SLCO3A1: variants seen among roughly 807,000 people sequenced by gnomAD.
SLCO3A1 encodes PGE1 transporter.
Under a neutral mutation model 63.1 loss-of-function variants are expected in SLCO3A1, and 27 were observed. The observed-to-expected ratio is 0.43, with a 90% CI of 0.32 to 0.59. SLCO3A1 has a LOEUF of 0.59. Among genes scored for constraint, SLCO3A1 ranks in the 20% least tolerant of loss-of-function variants. The probability of loss-of-function intolerance (pLI) is 0.09; values close to 1 mark genes in which losing one functional copy is unlikely to be tolerated. For synonymous variants in SLCO3A1, 473 were observed against 409.9 expected (o/e 1.15, Z -1.86); for missense variants, 773 against 945.8 (o/e 0.82, Z 2.40).
At chr15:91,943,895 T>G (rs188629059) in intron 2 of SLCO3A1, among the ~76,000 whole-genome samples, 214 of 152,248 alleles carry the variant, frequency 1.4e-3, no homozygotes, top group African/African-American at 5.0e-3. Flanking sequence ...AGGGCTACCC[T>G]CTGGTGACTG....
intron 1 of SLCO3A1, among the ~76,000 whole-genome samples, chr15:91,898,876 A>C (rs1286349172): frequency 1.3e-5 from 2 of 152,230 alleles, no homozygotes; most frequent in Non-Finnish European, 2.9e-5. Context: ...GTGATAATGA[A>C]GAGAGGTTAA....
At chr15:92,168,822 G>T (rs757121011), downstream of SLCO3A1, among the ~76,000 whole-genome samples, 1 of 152,218 alleles carries the variant, frequency 6.6e-6, no homozygotes, top group African/African-American at 2.4e-5. Flanking sequence ...TGACGTGGCG[G>T]ATTTGAACTG....
intron 2 of SLCO3A1, among the ~76,000 whole-genome samples, chr15:92,077,793 T>A (rs1304982774): frequency 6.6e-6 from 1 of 152,180 alleles, no homozygotes; most frequent in Non-Finnish European, 1.5e-5. Context: ...TCCTTTGGAA[T>A]TAATTAGATT....
chr15:92,041,587 C>T lies in SLCO3A1; in HGVS notation c.647-53294C>T, dbSNP rs2046797343. Among the ~76,000 whole-genome samples, 3 of 152,284 alleles carry T rather than the reference C, an allele frequency of 2.0e-5. No individual in the cohort carries two copies. The East Asian group carries it at 5.8e-4, about 29-fold the overall frequency. Reference sequence around the variant, plus strand: ...CTCTTCAACCCGTACATTTTAAATGCAGATGGAGATGTCAGGTTTCACTGA... The same window carrying T: ...CTCTTCAACCCGTACATTTTAAATGTAGATGGAGATGTCAGGTTTCACTGA... On this transcript the variant is annotated intron_variant, in intron 2 of 9. Coordinates refer to ENST00000318445, the MANE Select transcript of SLCO3A1 (RefSeq NM_013272.4).
rs141235372 is a variant in SLCO3A1 at position 92,022,351 on chromosome 15, C to T, written c.647-72530C>T. 2.6e-3 allele frequency among the ~76,000 whole-genome samples: 402 copies of T among 152,248 alleles called. 1 individual carries two copies. The highest frequency in any genetic ancestry group is 9.1e-3 in the African/African-American group (379 of 41,570). On this transcript the variant is annotated intron_variant, in intron 2 of 9. Transcript: ENST00000318445. ...GTGCGTGTGAACATTCTACATAGGA[C>T]CTGCTGAGTGATACCTTGTAAGGAC...
rs533910118 is a variant in SLCO3A1, at chr15:92,162,569, A to T, written c.1754-187A>T. 3.9e-4 allele frequency: 365 copies of T among 934,634 alleles called. 11 individuals are homozygous for T. In the South Asian group the frequency reaches 5.0e-3, roughly 13 times the overall value. The allele number at this position is 934,634 out of a possible 1,614,324, so 57.9% of individuals were successfully genotyped here. ...AGGAGGGCTTAAATAACTTGCTCAG[A>T]TTTGTACCATAATAAAAAGGCAGAA... On this transcript the variant is annotated intron_variant, in intron 9 of 9. Transcript: ENST00000318445.
intron 2 of SLCO3A1, among the ~76,000 whole-genome samples, chr15:92,047,013 A>G (rs1484362844): frequency 1.3e-5 from 1 of 78,228 alleles, no homozygotes; most frequent in African/African-American, 4.4e-5. Context: ...ATATAAATAT[A>G]TATATAATAT....
At chr15:91,857,345 G>T (rs969122379) in intron 1 of SLCO3A1, among the ~76,000 whole-genome samples, 2 of 152,028 alleles carry the variant, frequency 1.3e-5, no homozygotes, top group African/African-American at 2.4e-5. Context: ...AATCTATTAC[G>T]GTTACAAACA....
intron 2 of SLCO3A1, among the ~76,000 whole-genome samples, chr15:92,039,395 A>G (rs1373334988): frequency 6.6e-6 from 1 of 152,220 alleles, no homozygotes; most frequent in Admixed American, 6.5e-5. Context: ...GAACCCATCA[A>G]AAAGTGGGCA....
At chr15:92,048,678 C>T (rs2046919975) in intron 2 of SLCO3A1, among the ~76,000 whole-genome samples, 1 of 152,134 alleles carries the variant, frequency 6.6e-6, no homozygotes, top group Non-Finnish European at 1.5e-5. Context: ...GTGTGCGGAT[C>T]ACCAGAGGTC....
At chr15:91,987,329 C>A (rs2046066518) in intron 2 of SLCO3A1, among the ~76,000 whole-genome samples, 1 of 152,126 alleles carries the variant, frequency 6.6e-6, no homozygotes, top group African/African-American at 2.4e-5. Flanking sequence ...CACGTATTTA[C>A]TGAACACCTA....
rs74028803 is a variant in SLCO3A1, at chr15:92,118,456, C to T, written c.1010-2009C>T. 6.8e-3 allele frequency among the ~76,000 whole-genome samples: 1,026 copies of T among 151,636 alleles called. 13 individuals are homozygous for T. Among genetic ancestry groups the T allele is most frequent in the African/African-American group, 0.024 (986 of 41,288 alleles). On this transcript the variant is annotated intron_variant, in intron 4 of 9. Coordinates refer to ENST00000318445, the MANE Select transcript of SLCO3A1 (RefSeq NM_013272.4). Reference sequence around the variant, plus strand: ...AGATTTTCATTCTTGAAACTTGATACCATTCCTGGAAATGGTAAATTCTAA... The same window carrying T: ...AGATTTTCATTCTTGAAACTTGATATCATTCCTGGAAATGGTAAATTCTAA...
intron 2 of SLCO3A1, among the ~76,000 whole-genome samples, chr15:92,044,864 C>T (rs1300244750): frequency 6.6e-6 from 1 of 152,166 alleles, no homozygotes; most frequent in Non-Finnish European, 1.5e-5. Context: ...AGGTTGTCCC[C>T]ATCCCCTCGC....
chr15:92,070,512 G>A (rs550960268), intron 2 of SLCO3A1, among the ~76,000 whole-genome samples: 6 of 152,206 alleles, frequency 3.9e-5, no homozygotes, highest in South Asian at 4.2e-4. Flanking sequence ...GTGGGATGAC[G>A]CATGCCTGTA....
At chr15:91,895,717 C>A (rs150065608) in intron 1 of SLCO3A1, among the ~76,000 whole-genome samples, 102 of 152,312 alleles carry the variant, frequency 6.7e-4, no homozygotes, top group African/African-American at 2.4e-3. Flanking sequence ...AGCCTAAACA[C>A]TTAGGGTTAT....
At chr15:92,012,894 C>T (rs1157616852) in intron 2 of SLCO3A1, among the ~76,000 whole-genome samples, 2 of 152,182 alleles carry the variant, frequency 1.3e-5, no homozygotes, top group Admixed American at 6.5e-5. Flanking sequence ...CAGAGAAGTA[C>T]TTCATGAAAA....
intron 1 of SLCO3A1, among the ~76,000 whole-genome samples, chr15:91,873,552 A>ACACG (rs1897327004): frequency 6.6e-6 from 1 of 151,850 alleles, no homozygotes; most frequent in Non-Finnish European, 1.5e-5. Flanking sequence ...ACACACACAC[A>ACACG]CACACACACA....
chr15:91,907,461 C>T (rs1213263139), intron 1 of SLCO3A1, among the ~76,000 whole-genome samples: 2 of 151,146 alleles, frequency 1.3e-5, no homozygotes, highest in East Asian at 3.9e-4. Context: ...CCACCTTGGC[C>T]TCCCAAAGTG....
rs561960305 is a variant in SLCO3A1 at position 91,993,179 on chromosome 15, A to G, written c.646+76721A>G. On this transcript the variant is annotated intron_variant, in intron 2 of 9. Coordinates refer to ENST00000318445, the MANE Select transcript of SLCO3A1 (RefSeq NM_013272.4). ...TTGTGCAAGAAGGAGCTTGCCCACA[A>G]TTGTCTCTGGATGCATACTAGTCTT... 4.2e-4 allele frequency among the ~76,000 whole-genome samples: 64 copies of G among 152,310 alleles called. No homozygotes were observed. In the Middle Eastern group the frequency reaches 0.01, roughly 24 times the overall value.
Sources: allele counts gnomAD v4.1 joint callset (sites outside exome capture counted in the v4.1 genomes callset), GRCh38; gene constraint gnomAD v4.1.1; transcripts MANE v1.5; gene names NCBI Gene and HGNC (gene_info 2026-07-23, HGNC 2026-07-21).